Variants in CERS6 observed in about 807,000 individuals in gnomAD.
CERS6 encodes LAG1 homolog, ceramide synthase 6.
Under a neutral mutation model 56.8 loss-of-function variants are expected in CERS6, and 26 were observed. The ratio of observed to expected loss-of-function variants is 0.46; its 90% CI spans 0.34 to 0.63. The LOEUF is 0.63. Among genes scored for constraint, CERS6 ranks in the 30% least tolerant of loss-of-function variants. The pLI is 0.01. For missense variants in CERS6, 415 were observed against 467.5 expected, an observed-to-expected ratio of 0.89 and a Z score of 1.04; for synonymous variants, 164 against 173.3, an observed-to-expected ratio of 0.95 and a Z score of 0.42.
At chr2:168,690,201 T>G (rs1389131002) in intron 4 of CERS6, among the ~76,000 whole-genome samples, 1 of 152,132 alleles carries the variant, frequency 6.6e-6, no homozygotes, top group Admixed American at 6.6e-5. Flanking sequence ...AAGAAACATA[T>G]AGATGTATAT....
At chr2:168,558,612 G>A (rs2105379629) in intron 2 of CERS6, among the ~76,000 whole-genome samples, 1 of 152,368 alleles carries the variant, frequency 6.6e-6, no homozygotes, top group East Asian at 1.9e-4. Context: ...GCTCACGCCT[G>A]TAATCCCAGC....
In CERS6 at chr2:168,679,125, T is replaced by A. The variant is rs539047496; in HGVS notation, c.466-11909T>A. On this transcript the variant is annotated intron_variant, in intron 4 of 9. Transcript: ENST00000305747. ...GATCTTATTCGTGTGGGATCTATTTTAAAAAGTTATCATAGAAGCAGAGAT... is the reference window on the plus strand; with the variant it reads ...GATCTTATTCGTGTGGGATCTATTTAAAAAAGTTATCATAGAAGCAGAGAT... Among the ~76,000 whole-genome samples, 4 of 151,526 alleles carry A rather than the reference T, an allele frequency of 2.6e-5. No individual in the cohort carries two copies. The East Asian group carries it at 7.8e-4, about 30-fold the overall frequency.
chr2:168,608,366 C>G (rs1021234447), intron 3 of CERS6, among the ~76,000 whole-genome samples: 1 of 152,172 alleles, frequency 6.6e-6, no homozygotes, highest in Non-Finnish European at 1.5e-5. Context: ...GTCTTCATTT[C>G]TCTTGGGCAG....
chr2:168,496,202 G>A (rs1193746796), intron 1 of CERS6, among the ~76,000 whole-genome samples: 2 of 152,130 alleles, frequency 1.3e-5, no homozygotes, highest in Admixed American at 6.5e-5. Context: ...GGATACTTAG[G>A]TTGTTTCTAG....
chr2:168,744,885 A>G (rs967167713), intron 8 of CERS6, among the ~76,000 whole-genome samples: 12 of 152,228 alleles, frequency 7.9e-5, no homozygotes, highest in African/African-American at 2.9e-4. Flanking sequence ...AAACTTGTTT[A>G]CACATTGAAA....
At chr2:168,703,183 G>T in intron 6 of CERS6, among the ~76,000 whole-genome samples, 1 of 152,138 alleles carries the variant, frequency 6.6e-6, no homozygotes, top group East Asian at 1.9e-4. Flanking sequence ...ATACTCTTTG[G>T]TGTTCGCAAT....
At position 168,771,480 on chromosome 2, in the gene CERS6, A is replaced by G. The variant is rs1258186021; in HGVS notation, c.*1818A>G. 6.6e-6 allele frequency: 1 copy of G among 152,232 alleles called. No homozygotes were observed. 9.4% of individuals were successfully genotyped at this position (152,232 alleles called of 1,614,324 possible). On this transcript the variant is annotated 3_prime_UTR_variant, in exon 10 of 10. Coordinates refer to ENST00000305747, the MANE Select transcript of CERS6 (RefSeq NM_203463.3). ...TTTTAGAGCCTTGTTATTTTATTTC[A>G]CAAAACAGGCATATGTCTAGGAGTG...
intron 4 of CERS6, among the ~76,000 whole-genome samples, chr2:168,651,430 ATTGT>A (rs1685337474): frequency 1.3e-5 from 2 of 152,192 alleles, no homozygotes; most frequent in South Asian, 2.1e-4. Context: ...GAAATAGAAG[ATTGT>A]TTAAGTAACT....
At chr2:168,460,903 T>C (rs964128229) in intron 1 of CERS6, among the ~76,000 whole-genome samples, 1 of 152,202 alleles carries the variant, frequency 6.6e-6, no homozygotes, top group African/African-American at 2.4e-5. Context: ...TCTGAGGGAA[T>C]GTCTGGCCAG....
intron 8 of CERS6, among the ~76,000 whole-genome samples, chr2:168,735,449 T>C (rs773243698): frequency 5.9e-5 from 9 of 152,186 alleles, no homozygotes; most frequent in Non-Finnish European, 1.2e-4. Flanking sequence ...CCTAATTCTG[T>C]TTCTTCTGTT....
At chr2:168,681,446 C>T (rs1029045953) in intron 4 of CERS6, among the ~76,000 whole-genome samples, 46 of 152,170 alleles carry the variant, frequency 3.0e-4, no homozygotes, top group African/African-American at 1.1e-3. Context: ...ACACTATTAA[C>T]GTTGTTTATA....
intron 4 of CERS6, among the ~76,000 whole-genome samples, chr2:168,641,164 A>G (rs1574121471): frequency 6.6e-6 from 1 of 152,014 alleles, no homozygotes; most frequent in Non-Finnish European, 1.5e-5. Flanking sequence ...GATTGCTCAG[A>G]CCACTTGTCC....
At chr2:168,715,470 A>G (rs1482595586) in intron 7 of CERS6, among the ~76,000 whole-genome samples, 1 of 152,156 alleles carries the variant, frequency 6.6e-6, no homozygotes, top group Non-Finnish European at 1.5e-5. Context: ...ATTTTGTAAA[A>G]CGCAGTTTAG....
At chr2:168,601,380 T>C (rs1683928950) in intron 3 of CERS6, among the ~76,000 whole-genome samples, 1 of 152,206 alleles carries the variant, frequency 6.6e-6, no homozygotes, top group African/African-American at 2.4e-5. Flanking sequence ...CATTTATCAA[T>C]AGTATTGCAT....
At position 168,715,256 on chromosome 2, in the gene CERS6, CAG is replaced by C. The variant is rs533724367; in HGVS notation, c.738+130_738+131del. On this transcript the variant is annotated intron_variant, in intron 7 of 9. Transcript: ENST00000305747. ...ATAGTAAATAACTACATTGAAACTG[CAG>C]AGTGTTTCTTTGTAGGTTAAGCTGG... 7.8e-6 allele frequency: 5 copies of C among 639,118 alleles called. No homozygotes were observed. In the East Asian group the frequency reaches 9.6e-5, roughly 12 times the overall value. The allele number at this position is 639,118 out of a possible 1,614,324, so 39.6% of individuals were successfully genotyped here.
At chr2:168,669,509 T>C (rs535716823) in intron 4 of CERS6, among the ~76,000 whole-genome samples, 2 of 152,250 alleles carry the variant, frequency 1.3e-5, no homozygotes, top group East Asian at 3.9e-4. Flanking sequence ...AGAATGATGT[T>C]GGTGTAGGCA....
At chr2:168,558,651 C>T (rs1282565096) in intron 2 of CERS6, among the ~76,000 whole-genome samples, 10 of 152,184 alleles carry the variant, frequency 6.6e-5, no homozygotes, top group African/African-American at 2.4e-4. Flanking sequence ...GGGTGGATCA[C>T]AAGGTCAGGA....
At chr2:168,539,328 A>G (rs561650584) in intron 1 of CERS6, among the ~76,000 whole-genome samples, 1 of 152,228 alleles carries the variant, frequency 6.6e-6, no homozygotes, top group Non-Finnish European at 1.5e-5. Flanking sequence ...TGTCTAAGCT[A>G]TTTAACTACC....
At chr2:168,742,397 G>T (rs1436947792) in intron 8 of CERS6, among the ~76,000 whole-genome samples, 1 of 152,182 alleles carries the variant, frequency 6.6e-6, no homozygotes, top group Non-Finnish European at 1.5e-5. Context: ...GCCCTGTTTG[G>T]TCTATGCTTG....
Sources: allele counts gnomAD v4.1 joint callset (sites outside exome capture counted in the v4.1 genomes callset), GRCh38; gene constraint gnomAD v4.1.1; transcripts MANE v1.5; gene names NCBI Gene and HGNC (gene_info 2026-07-23, HGNC 2026-07-21).